The following GFRA1 variants were observed in gnomAD, a reference collection of about 807,000 sequenced individuals.
The protein encoded by GFRA1 is GDNF family receptor alpha 1.
GFRA1 carries 16 observed loss-of-function variants against 51.6 expected under a neutral mutation model. The observed-to-expected ratio is 0.31, with a 90% CI of 0.21 to 0.47. The LOEUF (loss-of-function observed/expected upper bound fraction) is 0.47, where lower values mean the gene tolerates loss of function less well. Ranked by LOEUF, GFRA1 falls within the 20% of genes least tolerant of loss-of-function variation. GFRA1 has a pLI of 1.00. For synonymous variants in GFRA1, 270 were observed against 241.3 expected (o/e 1.12, Z -1.10); for missense variants, 530 against 594.3 (o/e 0.89, Z 1.13).
intron 4 of GFRA1, among the ~76,000 whole-genome samples, chr10:116,256,478 A>G (rs1165165429): frequency 6.6e-6 from 1 of 152,142 alleles, no homozygotes; most frequent in Non-Finnish European, 1.5e-5. Flanking sequence ...CATTGATGTC[A>G]TAAAAACAAT....
chr10:116,194,011 C>T (rs1350997682), intron 5 of GFRA1, among the ~76,000 whole-genome samples: 1 of 147,986 alleles, frequency 6.8e-6, no homozygotes, highest in Non-Finnish European at 1.5e-5. Context: ...TGTACTCCAG[C>T]CTGGGCCACA....
At chr10:116,107,082 T>C (rs1199386330) in intron 6 of GFRA1, among the ~76,000 whole-genome samples, 1 of 152,198 alleles carries the variant, frequency 6.6e-6, no homozygotes, top group Admixed American at 6.5e-5. Flanking sequence ...ACCCCTTTTC[T>C]TTATAAATTA....
At chr10:116,194,357 C>T (rs1203412768) in intron 5 of GFRA1, among the ~76,000 whole-genome samples, 1 of 152,190 alleles carries the variant, frequency 6.6e-6, no homozygotes, top group Non-Finnish European at 1.5e-5. Context: ...TCCTGACCCC[C>T]ACCCTCACCT....
chr10:116,080,445 T>TTAAAG (rs1439432056), intron 9 of GFRA1, among the ~76,000 whole-genome samples: 7 of 152,154 alleles, frequency 4.6e-5, no homozygotes, highest in Admixed American at 3.9e-4. Flanking sequence ...CAAATCACCA[T>TTAAAG]TAAAGTACTT....
chr10:116,100,366 C>A (rs1956771017), intron 6 of GFRA1, among the ~76,000 whole-genome samples: 1 of 152,196 alleles, frequency 6.6e-6, no homozygotes, highest in Non-Finnish European at 1.5e-5. Flanking sequence ...TAAGCAACTC[C>A]TTCTAGGTTG....
At chr10:116,204,187 G>GT (rs1964551459) in intron 5 of GFRA1, among the ~76,000 whole-genome samples, 1 of 152,238 alleles carries the variant, frequency 6.6e-6, no homozygotes, top group Admixed American at 6.5e-5. Context: ...CCTGGTCCAG[G>GT]TGTCTTACCA....
At chr10:116,155,816 C>T (rs1003272378) in intron 5 of GFRA1, among the ~76,000 whole-genome samples, 6 of 152,096 alleles carry the variant, frequency 3.9e-5, no homozygotes, top group African/African-American at 1.4e-4. Context: ...GTGCCAGAGA[C>T]ATAGATGTTT....
At chr10:116,112,955 A>C (rs1957270453) in intron 6 of GFRA1, among the ~76,000 whole-genome samples, 2 of 152,212 alleles carry the variant, frequency 1.3e-5, no homozygotes, top group South Asian at 4.1e-4. Context: ...TGGTGCACAC[A>C]CAAGTCTTCC....
chr10:116,148,383 A>C (rs1268703648), intron 5 of GFRA1, among the ~76,000 whole-genome samples: 1 of 152,130 alleles, frequency 6.6e-6, no homozygotes, highest in East Asian at 1.9e-4. Flanking sequence ...GAAGACTCTC[A>C]ACAGGACTCC....
chr10:116,146,871 A>C (rs544112240), intron 5 of GFRA1, among the ~76,000 whole-genome samples: 1 of 152,348 alleles, frequency 6.6e-6, no homozygotes, highest in East Asian at 1.9e-4. Flanking sequence ...AAATTTTTAC[A>C]AAAACATATA....
chr10:116,073,990 G>A (rs77843734), intron 9 of GFRA1, among the ~76,000 whole-genome samples: 2,069 of 152,248 alleles, frequency 0.014, 105 homozygotes, highest in East Asian at 0.12. Flanking sequence ...TTTAGAATAC[G>A]TGCTTTTAGA....
chr10:116,112,826 G>C (rs553801942), intron 6 of GFRA1, among the ~76,000 whole-genome samples: 1 of 152,302 alleles, frequency 6.6e-6, no homozygotes, highest in South Asian at 2.1e-4. Flanking sequence ...GGGCTCCAGC[G>C]CTTGGCTGGG....
intron 8 of GFRA1, among the ~76,000 whole-genome samples, chr10:116,091,006 T>A (rs181721801): frequency 6.6e-6 from 1 of 152,344 alleles, no homozygotes; most frequent in Non-Finnish European, 1.5e-5. Flanking sequence ...CTCCCAGCTA[T>A]GTTCCATGGC....
At chr10:116,170,809 CCAGA>C (rs1277747520) in intron 5 of GFRA1, among the ~76,000 whole-genome samples, 6 of 152,248 alleles carry the variant, frequency 3.9e-5, no homozygotes, top group East Asian at 3.9e-4. Flanking sequence ...AGAGTTTAGA[CCAGA>C]CAAAGAACTT....
At chr10:116,180,027 G>A (rs994967023) in intron 5 of GFRA1, among the ~76,000 whole-genome samples, 8 of 152,042 alleles carry the variant, frequency 5.3e-5, no homozygotes, top group Non-Finnish European at 8.8e-5. Flanking sequence ...TTGTATCTCC[G>A]GCAATCCGCA....
chr10:116,063,937 T>G lies in GFRA1; in HGVS notation c.*461A>C, dbSNP rs1393930219. On this transcript the variant is annotated 3_prime_UTR_variant, in exon 11 of 11. Coordinates refer to ENST00000355422, the MANE Select transcript of GFRA1 (RefSeq NM_005264.8). ...CTTGGCATCAATGTAGGCTGAAATT[T>G]ATATCATTAGAAATCAATGTCATTA... 1 of 170,864 alleles carries G rather than the reference T, an allele frequency of 5.9e-6. No individual in the cohort carries two copies. The highest frequency in any genetic ancestry group is 1.3e-5 in the Non-Finnish European group (1 of 79,046). 10.6% of individuals were successfully genotyped at this position (170,864 alleles called of 1,614,324 possible).
intron 4 of GFRA1, among the ~76,000 whole-genome samples, chr10:116,253,392 G>A (rs1202530151): frequency 6.6e-6 from 1 of 152,150 alleles, no homozygotes; most frequent in Non-Finnish European, 1.5e-5. Context: ...TGAATCATTT[G>A]AAGTCAGGAG....
intron 6 of GFRA1, among the ~76,000 whole-genome samples, chr10:116,114,417 C>T (rs1460471642): frequency 6.6e-6 from 1 of 152,228 alleles, no homozygotes; most frequent in Non-Finnish European, 1.5e-5. Context: ...GCCTCCGCCC[C>T]TCCGTTTTCC....
intron 5 of GFRA1, among the ~76,000 whole-genome samples, chr10:116,176,616 C>T (rs1236321969): frequency 6.6e-6 from 1 of 152,150 alleles, no homozygotes; most frequent in Non-Finnish European, 1.5e-5. Context: ...TGTACAGCCC[C>T]CAGAACCATG....
Sources: gnomAD v4.1 joint callset for allele counts (sites outside exome capture counted in the v4.1 genomes callset) on GRCh38, gnomAD v4.1.1 for gene constraint, MANE v1.5 for transcripts, NCBI Gene and HGNC (gene_info 2026-07-23, HGNC 2026-07-21) for gene names.